SHB: variants seen among roughly 807,000 people sequenced by gnomAD.
The protein encoded by SHB is SH2 domain-containing adapter protein B.
A neutral mutation model predicts 52.3 loss-of-function variants in SHB; 20 were observed. The observed-to-expected ratio is 0.38, with a 90% CI of 0.27 to 0.56. The LOEUF is 0.56. Ranked by LOEUF, SHB falls within the 20% of genes least tolerant of loss-of-function variation. SHB has a pLI of 0.71. For synonymous variants in SHB, 397 were observed against 316.5 expected (o/e 1.25, Z -2.70); for missense variants, 825 against 723.3 (o/e 1.14, Z -1.61).
chr9:38,003,363 G>C (rs147231289), intron 2 of SHB, among the ~76,000 whole-genome samples: 1 of 151,794 alleles, frequency 6.6e-6, no homozygotes. Flanking sequence ...CATGCCCCTC[G>C]CTGCAACCGC....
chr9:37,950,492 C>T (rs1005319411), intron 4 of SHB, among the ~76,000 whole-genome samples: 16 of 152,212 alleles, frequency 1.1e-4, no homozygotes, highest in African/African-American at 3.9e-4. Flanking sequence ...AAGATCCTCA[C>T]TGCCCATGAG....
intron 5 of SHB, among the ~76,000 whole-genome samples, chr9:37,928,844 C>A (rs1018735705): frequency 6.6e-6 from 1 of 152,242 alleles, no homozygotes. Context: ...AAGGACAGGA[C>A]CCCCTAGTCC....
At chr9:37,932,954 T>G (rs1832330750) in intron 5 of SHB, among the ~76,000 whole-genome samples, 3 of 152,310 alleles carry the variant, frequency 2.0e-5, no homozygotes, top group South Asian at 4.1e-4. Context: ...TTCTATAACA[T>G]CATGGTGTAT....
intron 3 of SHB, among the ~76,000 whole-genome samples, chr9:37,968,502 C>T (rs990658144): frequency 2.0e-5 from 3 of 152,202 alleles, no homozygotes; most frequent in Non-Finnish European, 2.9e-5. Flanking sequence ...AATAAGTATG[C>T]TGAGCAGTAT....
chr9:38,014,092 C>T (rs371130523), intron 2 of SHB, among the ~76,000 whole-genome samples: 4 of 152,142 alleles, frequency 2.6e-5, no homozygotes, highest in African/African-American at 7.2e-5. Context: ...GTTTGCAAAG[C>T]GCAGGCCATA....
chr9:38,062,884 A>G (rs960216225), intron 1 of SHB, among the ~76,000 whole-genome samples: 3 of 152,218 alleles, frequency 2.0e-5, no homozygotes, highest in African/African-American at 7.2e-5. Context: ...TTCAAGCTAC[A>G]GTGGCAGAGC....
At chr9:38,033,441 T>C (rs934369616) in intron 1 of SHB, among the ~76,000 whole-genome samples, 2 of 152,168 alleles carry the variant, frequency 1.3e-5, no homozygotes, top group Non-Finnish European at 2.9e-5. Context: ...CGGTGGCTCA[T>C]GCTGGTAGAA....
chr9:38,064,361 C>T (rs1208737595), intron 1 of SHB, among the ~76,000 whole-genome samples: 1 of 152,208 alleles, frequency 6.6e-6, no homozygotes, highest in Non-Finnish European at 1.5e-5. Flanking sequence ...ACCTCTCTCA[C>T]ACTGTCATCT....
At chr9:38,045,495 C>A (rs1484939850) in intron 1 of SHB, among the ~76,000 whole-genome samples, 1 of 151,960 alleles carries the variant, frequency 6.6e-6, no homozygotes, top group Non-Finnish European at 1.5e-5. Flanking sequence ...CCTGTAATCC[C>A]AGCTACTCGG....
chr9:37,992,683 G>A (rs1445843302), intron 2 of SHB, among the ~76,000 whole-genome samples: 1 of 152,174 alleles, frequency 6.6e-6, no homozygotes, highest in Non-Finnish European at 1.5e-5. Flanking sequence ...ATTTTAGACT[G>A]GATTCTCACC....
chr9:38,033,903 T>C (rs1276976037), intron 1 of SHB, among the ~76,000 whole-genome samples: 1 of 152,148 alleles, frequency 6.6e-6, no homozygotes, highest in African/African-American at 2.4e-5. Context: ...GGAGGTGGCT[T>C]GGGTTTTAAA....
intron 5 of SHB, among the ~76,000 whole-genome samples, chr9:37,945,039 C>T (rs1832476758): frequency 6.6e-6 from 1 of 152,018 alleles, no homozygotes; most frequent in South Asian, 2.1e-4. Context: ...GTACGGAGGG[C>T]TCTGAAAAAT....
At chr9:38,001,016 G>A (rs1326391930) in intron 2 of SHB, among the ~76,000 whole-genome samples, 2 of 152,172 alleles carry the variant, frequency 1.3e-5, no homozygotes, top group Non-Finnish European at 2.9e-5. Flanking sequence ...GGATGTGCTT[G>A]GTATGTAAAC....
intron 2 of SHB, among the ~76,000 whole-genome samples, chr9:37,994,485 T>TTC (rs1362210180): frequency 6.6e-6 from 1 of 152,252 alleles, no homozygotes; most frequent in African/African-American, 2.4e-5. Flanking sequence ...GGAACTGGAC[T>TTC]CGGGAGACTT....
At chr9:38,013,616 A>T (rs1821171925) in intron 2 of SHB, among the ~76,000 whole-genome samples, 1 of 152,216 alleles carries the variant, frequency 6.6e-6, no homozygotes, top group Non-Finnish European at 1.5e-5. Flanking sequence ...AAAAAGCCGA[A>T]GTTCCTCAGG....
At chr9:37,981,768 A>C (rs150066680) in intron 2 of SHB, among the ~76,000 whole-genome samples, 2 of 152,302 alleles carry the variant, frequency 1.3e-5, no homozygotes, top group East Asian at 3.9e-4. Context: ...GCCTGATTTC[A>C]ACATTGTTGT....
At chr9:37,935,858 A>G (rs769636614) in intron 5 of SHB, among the ~76,000 whole-genome samples, 1 of 152,102 alleles carries the variant, frequency 6.6e-6, no homozygotes, top group Non-Finnish European at 1.5e-5. Flanking sequence ...ATCTCAAGAC[A>G]GAGCCGGAAC....
At chr9:38,014,715 T>C (rs1821188224) in intron 2 of SHB, among the ~76,000 whole-genome samples, 1 of 152,226 alleles carries the variant, frequency 6.6e-6, no homozygotes, top group Non-Finnish European at 1.5e-5. Flanking sequence ...CTAAGTGTTC[T>C]GGAGGCCACA....
chr9:38,030,377 G>T lies in SHB; in HGVS notation c.718-14246C>A, dbSNP rs1438489904. Among the ~76,000 whole-genome samples the T allele has an allele frequency of 3.9e-5, 6 of 152,286 alleles. No homozygotes were observed. In the East Asian group the frequency reaches 1.2e-3, roughly 29 times the overall value. On this transcript the variant is annotated intron_variant, in intron 1 of 5. Coordinates refer to ENST00000377707, the MANE Select transcript of SHB (RefSeq NM_003028.3). ...ACCTCTTTCCTCCAGGTATATAAGAGGCCTCACTGCTGCGATTCCTCCCAC... is the reference window on the plus strand; with the variant it reads ...ACCTCTTTCCTCCAGGTATATAAGATGCCTCACTGCTGCGATTCCTCCCAC...
Sources: gnomAD v4.1 joint callset for allele counts (sites outside exome capture counted in the v4.1 genomes callset) on GRCh38, gnomAD v4.1.1 for gene constraint, MANE v1.5 for transcripts, NCBI Gene and HGNC (gene_info 2026-07-23, HGNC 2026-07-21) for gene names.